Variants in OSBPL1A observed in about 807,000 individuals in gnomAD.
OSBPL1A encodes the protein oxysterol binding protein like 1A.
Under a neutral mutation model 137.1 loss-of-function variants are expected in OSBPL1A, and 80 were observed. The observed-to-expected ratio is 0.58, with a 90% CI of 0.49 to 0.70. OSBPL1A has a LOEUF of 0.70. Among genes scored for constraint, OSBPL1A ranks in the 30% least tolerant of loss-of-function variants. OSBPL1A has a pLI of 0.00. For missense variants in OSBPL1A, 970 were observed against 1,129.4 expected, an observed-to-expected ratio of 0.86 and a Z score of 2.02; for synonymous variants, 365 against 389.7, an observed-to-expected ratio of 0.94 and a Z score of 0.75.
chr18:24,335,049 C>G (rs1318734580), intron 5 of OSBPL1A, among the ~76,000 whole-genome samples: 1 of 152,130 alleles, frequency 6.6e-6, no homozygotes, highest in Non-Finnish European at 1.5e-5. Context: ...ACCACCACAC[C>G]TGGTGAATAT....
At chr18:24,298,217 C>T (rs775073150) in intron 14 of OSBPL1A, among the ~76,000 whole-genome samples, 2 of 152,196 alleles carry the variant, frequency 1.3e-5, no homozygotes, top group Admixed American at 1.3e-4. Flanking sequence ...CATGAATAAT[C>T]CACCCCTTGT....
At chr18:24,390,244 G>A (rs553295202) in intron 1 of OSBPL1A, among the ~76,000 whole-genome samples, 26 of 152,180 alleles carry the variant, frequency 1.7e-4, no homozygotes, top group Non-Finnish European at 2.9e-4. Flanking sequence ...CTATGATCCA[G>A]CAATTCTACT....
intron 17 of OSBPL1A, among the ~76,000 whole-genome samples, chr18:24,206,691 C>G (rs1046576835): frequency 1.3e-5 from 2 of 152,190 alleles, no homozygotes; most frequent in Non-Finnish European, 2.9e-5. Flanking sequence ...GGCTTCTCTT[C>G]TGCACCCAGC....
At chr18:24,167,230 T>C in intron 25 of OSBPL1A, 99 bp downstream of exon 25, 1 of 1,104,280 alleles carries the variant, frequency 9.1e-7, no homozygotes, top group South Asian at 1.3e-5. Flanking sequence ...CCAACCTGCC[T>C]GTCTCCATGC....
intron 7 of OSBPL1A, among the ~76,000 whole-genome samples, chr18:24,325,583 C>G (rs1269109158): frequency 1.3e-5 from 2 of 152,216 alleles, no homozygotes; most frequent in Non-Finnish European, 2.9e-5. Flanking sequence ...TACCATCACT[C>G]TCTAGTCCCT....
At chr18:24,206,403 T>C (rs1445820427) in intron 17 of OSBPL1A, among the ~76,000 whole-genome samples, 1 of 152,238 alleles carries the variant, frequency 6.6e-6, no homozygotes, top group East Asian at 1.9e-4. Context: ...GACTTGGAAA[T>C]GTCCCTTTCT....
Position 24,181,129 on chromosome 18 carries a change from C to T in OSBPL1A, c.1812+16G>A. 6.2e-7 allele frequency: 1 copy of T among 1,611,280 alleles called. No homozygotes were observed. Among genetic ancestry groups the T allele is most frequent in the Non-Finnish European group, 8.5e-7 (1 of 1,178,960 alleles). On this transcript the variant is annotated intron_variant, in intron 19 of 27. Coordinates refer to ENST00000319481, the MANE Select transcript of OSBPL1A (RefSeq NM_080597.4). ...AGGTCTCTAAGAGTTAGACCTTTTC[C>T]TCCCTTGGCTCATACCTGCATCCTT...
chr18:24,381,822 G>A (rs763747975), intron 1 of OSBPL1A, among the ~76,000 whole-genome samples: 42 of 151,712 alleles, frequency 2.8e-4, no homozygotes, highest in Non-Finnish European at 5.6e-4. Flanking sequence ...TTAGGCAGGC[G>A]TGGTGGTGGG....
intron 15 of OSBPL1A, among the ~76,000 whole-genome samples, chr18:24,268,825 A>G (rs2089645973): frequency 6.6e-6 from 1 of 152,186 alleles, no homozygotes; most frequent in South Asian, 2.1e-4. Flanking sequence ...CTCAATTACC[A>G]TGTTGACGTA....
intron 15 of OSBPL1A, among the ~76,000 whole-genome samples, chr18:24,251,427 T>C (rs1264454425): frequency 6.6e-6 from 1 of 152,136 alleles, no homozygotes; most frequent in Non-Finnish European, 1.5e-5. Flanking sequence ...CTCTATTTGT[T>C]TGGGAGAAAA....
At chr18:24,190,419 C>CT (rs2086861332) in intron 18 of OSBPL1A, among the ~76,000 whole-genome samples, 1 of 147,940 alleles carries the variant, frequency 6.8e-6, no homozygotes, top group African/African-American at 2.5e-5. Flanking sequence ...AGTATTTATA[C>CT]CTGGAAATGT....
intron 17 of OSBPL1A, among the ~76,000 whole-genome samples, chr18:24,198,782 A>G (rs980821582): frequency 1.3e-5 from 2 of 152,096 alleles, no homozygotes; most frequent in African/African-American, 4.8e-5. Flanking sequence ...ACAATGGGGC[A>G]GCAGGCAGAG....
At position 24,303,970 on chromosome 18, in the gene OSBPL1A, A is replaced by ACACATCCATTACT. The variant is rs2090452517; in HGVS notation, c.1093-253_1093-252insAGTAATGGATGTG. ...AACATCTGTTGTGTAGATACCATAC[A>ACACATCCATTACT]ATTGCATCCATTACTATTACTATCT... On this transcript the variant is annotated intron_variant, in intron 13 of 27. Transcript: ENST00000319481. 3.9e-5 allele frequency among the ~76,000 whole-genome samples: 6 copies of ACACATCCATTACT among 152,212 alleles called. No individual in the cohort carries two copies. In the South Asian group the frequency reaches 1.2e-3, roughly 32 times the overall value.
intron 14 of OSBPL1A, chr18:24,301,240 C>T (rs2090394801): frequency 6.6e-6 from 1 of 152,180 alleles, no homozygotes; most frequent in South Asian, 2.1e-4. Context: ...TTCTCAGTTT[C>T]TCCAAGTTGG....
chr18:24,372,050 T>C (rs1344172682), intron 2 of OSBPL1A, among the ~76,000 whole-genome samples: 1 of 151,908 alleles, frequency 6.6e-6, no homozygotes, highest in Non-Finnish European at 1.5e-5. Flanking sequence ...CCAAGGCGGA[T>C]AGACTGATTG....
At chr18:24,353,820 G>A (rs1599705272) in intron 4 of OSBPL1A, among the ~76,000 whole-genome samples, 2 of 150,498 alleles carry the variant, frequency 1.3e-5, no homozygotes, top group Non-Finnish European at 1.5e-5. Flanking sequence ...TCGCAAGGAC[G>A]AGAAACCAAA....
At chr18:24,326,109 A>C (rs960354248) in intron 7 of OSBPL1A, among the ~76,000 whole-genome samples, 1 of 152,212 alleles carries the variant, frequency 6.6e-6, no homozygotes, top group Non-Finnish European at 1.5e-5. Context: ...CACTCTAGAA[A>C]AAAAAACATA....
intron 7 of OSBPL1A, among the ~76,000 whole-genome samples, chr18:24,325,412 C>T (rs1006606420): frequency 2.0e-5 from 3 of 152,174 alleles, no homozygotes; most frequent in Admixed American, 6.5e-5. Flanking sequence ...CAATGTGCCA[C>T]GTGTTCTTCT....
chr18:24,385,172 T>C (rs1326555144), intron 1 of OSBPL1A, among the ~76,000 whole-genome samples: 1 of 151,980 alleles, frequency 6.6e-6, no homozygotes, highest in Non-Finnish European at 1.5e-5. Flanking sequence ...GCCAGGATGG[T>C]CTCTATCTCC....
Sources: allele counts gnomAD v4.1 joint callset (sites outside exome capture counted in the v4.1 genomes callset), GRCh38; gene constraint gnomAD v4.1.1; transcripts MANE v1.5; gene names NCBI Gene and HGNC (gene_info 2026-07-23, HGNC 2026-07-21).